Variants in FYCO1 observed in about 807,000 individuals in gnomAD.
FYCO1 encodes FYVE and coiled-coil domain autophagy adaptor 1, also known as FYVE and coiled-coil domain-containing protein 1.
A neutral mutation model predicts 165.1 loss-of-function variants in FYCO1; 122 were observed. The ratio of observed to expected loss-of-function variants is 0.74; its 90% CI spans 0.64 to 0.86. The LOEUF (loss-of-function observed/expected upper bound fraction) is 0.86. FYCO1 is among the 40% of genes least tolerant of loss of function. FYCO1 has a pLI of 0.00. For missense variants in FYCO1, 1,702 were observed against 1,810.3 expected (o/e 0.94, Z 1.09); for synonymous variants, 648 against 742.5 (o/e 0.87, Z 2.07).
intron 14 of FYCO1, among the ~76,000 whole-genome samples, chr3:45,950,441 G>C (rs1704939794): frequency 6.6e-6 from 1 of 152,068 alleles, no homozygotes; most frequent in Non-Finnish European, 1.5e-5. Context: ...GTCCTCCGTA[G>C]GTGTTCTGGA....
chr3:45,934,098 A>C (rs901359175), intron 15 of FYCO1, among the ~76,000 whole-genome samples: 3 of 152,218 alleles, frequency 2.0e-5, no homozygotes, highest in Non-Finnish European at 4.4e-5. Flanking sequence ...GGAAAAGAGA[A>C]TTGGGGGACA....
intron 6 of FYCO1, among the ~76,000 whole-genome samples, chr3:45,971,400 AT>A (rs1345045641): frequency 1.3e-5 from 2 of 152,254 alleles, no homozygotes; most frequent in African/African-American, 4.8e-5. Context: ...AAAAAGGATA[AT>A]AATGTAATTT....
chr3:45,932,824 C>T (rs1347474180), intron 15 of FYCO1, among the ~76,000 whole-genome samples: 3 of 152,204 alleles, frequency 2.0e-5, no homozygotes, highest in Admixed American at 6.5e-5. Flanking sequence ...TAAGAACCCT[C>T]GACCAACATT....
rs780586760 is a variant in FYCO1 at position 45,967,314 on chromosome 3, C to A, written c.2020G>T (p.Gly674Cys). Residue 674 changes from glycine (G) to cysteine (C), a missense_variant, in exon 8 of 18, where the codon GGT becomes TGT. By Grantham distance (159) the Gly-to-Cys change is radical. Transcript: ENST00000296137. ...EAEQASIRHLGDQMEASLLAV... is the reference protein window; with the variant it reads ...EAEQASIRHLCDQMEASLLAV... ...AGCAAGCTCGCCTCCATCTGGTCAC[C>A]CAAGTGCCGGATGCTGGCCTGCTCG... 3.1e-6 allele frequency: 5 copies of A among 1,613,670 alleles called. No individual in the cohort carries two copies. The Admixed American group carries it at 5.0e-5, about 16-fold the overall frequency.
intron 14 of FYCO1, among the ~76,000 whole-genome samples, chr3:45,948,671 T>C (rs1262655233): frequency 1.3e-5 from 2 of 152,236 alleles, no homozygotes; most frequent in East Asian, 3.8e-4. Flanking sequence ...TTTGGGCTTA[T>C]GTATCCCAAA....
Position 45,955,243 on chromosome 3 carries a change from A to G in FYCO1, c.3944+6T>C, listed in dbSNP as rs754072220. ...CACTCAGGAAATGGGGGTGACCTCT[A>G]CTCACTGTTCAGCCGCATTTGGGTC... On this transcript the variant is annotated splice_donor_region_variant and intron_variant, in intron 14 of 17. Coordinates refer to ENST00000296137, the MANE Select transcript of FYCO1 (RefSeq NM_024513.4). The G allele has an allele frequency of 6.8e-6, 11 of 1,613,578 alleles. No homozygotes were observed. Among genetic ancestry groups the G allele is most frequent in the African/African-American group, 1.3e-5 (1 of 74,980 alleles).
At chr3:45,927,639 C>T (rs559680560) in intron 16 of FYCO1, among the ~76,000 whole-genome samples, 5 of 152,194 alleles carry the variant, frequency 3.3e-5, no homozygotes, top group Admixed American at 6.5e-5. Flanking sequence ...CTGCACACGG[C>T]GTCTCATTTA....
At chr3:45,979,910 A>G (rs1706963833) in intron 3 of FYCO1, 80 bp from the exon 4 acceptor site, 3 of 1,545,372 alleles carry the variant, frequency 1.9e-6, no homozygotes, top group Middle Eastern at 3.4e-4. Context: ...AATAATAACA[A>G]TAGCTTCTTA....
chr3:45,939,750 AAC>A (rs1374189907), intron 14 of FYCO1, among the ~76,000 whole-genome samples: 3 of 152,220 alleles, frequency 2.0e-5, no homozygotes, highest in African/African-American at 7.2e-5. Context: ...TCCATTTGTG[AAC>A]AGTCTCCTGT....
chr3:45,922,295 C>A (rs1218801675), intron 17 of FYCO1, among the ~76,000 whole-genome samples: 1 of 152,230 alleles, frequency 6.6e-6, no homozygotes, highest in African/African-American at 2.4e-5. Flanking sequence ...TGGGCCAAGG[C>A]CAGAGTTTGT....
chr3:45,974,017 T>C (rs1706588639), intron 5 of FYCO1, among the ~76,000 whole-genome samples: 1 of 152,170 alleles, frequency 6.6e-6, no homozygotes, highest in Non-Finnish European at 1.5e-5. Flanking sequence ...GCCATGATCA[T>C]GCCACTGCAC....
At chr3:45,970,074 C>A (rs1476400467) in intron 6 of FYCO1, among the ~76,000 whole-genome samples, 1 of 151,010 alleles carries the variant, frequency 6.6e-6, no homozygotes, top group Non-Finnish European at 1.5e-5. Flanking sequence ...AGTTTGTCTG[C>A]CAGTGAGGAA....
Position 45,966,340 on chromosome 3 carries a change from C to G in FYCO1, c.2994G>C (p.Gln998His), listed in dbSNP as rs765925467. 1 of 1,614,210 alleles carries G rather than the reference C, an allele frequency of 6.2e-7. No individual in the cohort carries two copies. The highest frequency in any genetic ancestry group is 8.5e-7 in the Non-Finnish European group (1 of 1,180,028). Residue 998 changes from glutamine to histidine, a missense_variant, in exon 8 of 18, where the codon CAG becomes CAC. Physicochemically the swap from Gln to His is conservative, Grantham distance 24. Transcript: ENST00000296137. The stretch of plus-strand genomic sequence containing the variant: ...GCTGGAACTTGAGGGTGTTGAGCTC[C>G]TGGTGTGCAGCCTCTTGGAGGCTCT... ...RAQSLQEAAH[Q>H]ELNTLKFQLS...
chr3:45,979,668 GGAC>G (rs746947148), intron 4 of FYCO1, 34 bp downstream of exon 4: 2 of 1,612,082 alleles, frequency 1.2e-6, no homozygotes, highest in East Asian at 2.2e-5. Context: ...GCAGGCAAAA[GGAC>G]GACATGAAGT....
In FYCO1 at chr3:45,971,870, T is replaced by G. The variant is rs1706467201; in HGVS notation, c.539+1218A>C. On this transcript the variant is annotated intron_variant, in intron 6 of 17. Coordinates refer to ENST00000296137, the MANE Select transcript of FYCO1 (RefSeq NM_024513.4). ...ATGAGATCTGTAAATTAGATAGCAG[T>G]ATTGTATCAATGCTAATTTTCTGAT... Among the ~76,000 whole-genome samples, 3 of 152,260 alleles carry G rather than the reference T, an allele frequency of 2.0e-5. No individual in the cohort carries two copies. The South Asian group carries it at 6.2e-4, about 31-fold the overall frequency.
At chr3:45,937,936 T>C (rs1308253872) in intron 14 of FYCO1, among the ~76,000 whole-genome samples, 1 of 152,156 alleles carries the variant, frequency 6.6e-6, no homozygotes, top group Non-Finnish European at 1.5e-5. Context: ...GCCACCCACT[T>C]GACAGCAGGG....
chr3:45,966,144 A>C, intron 8 of FYCO1, 133 bp downstream of exon 8: 1 of 868,358 alleles, frequency 1.2e-6, no homozygotes, highest in Non-Finnish European at 1.9e-6. Flanking sequence ...AAAGGGCCAC[A>C]AGGTGTTTGC....
Position 45,962,891 on chromosome 3 carries a change from G to C in FYCO1, c.3270-499C>G, listed in dbSNP as rs761329753. Among the ~76,000 whole-genome samples the C allele has an allele frequency of 6.6e-6, 1 of 152,142 alleles. No individual in the cohort carries two copies. The highest frequency in any genetic ancestry group is 1.5e-5 in the Non-Finnish European group (1 of 68,032). Reference sequence around the variant, plus strand: ...TCAGTCTTAATCTGCACTGCCAGCTGTTCTACCTGATAGCCCCCCTGAGGC... The same window carrying C: ...TCAGTCTTAATCTGCACTGCCAGCTCTTCTACCTGATAGCCCCCCTGAGGC... On this transcript the variant is annotated intron_variant, in intron 10 of 17. Coordinates refer to ENST00000296137, the MANE Select transcript of FYCO1 (RefSeq NM_024513.4). This position sits in a 1 kb window ranked among gnomAD's most constrained non-coding sequence, Gnocchi z 4.4.
intron 14 of FYCO1, among the ~76,000 whole-genome samples, chr3:45,937,811 C>T (rs1703982956): frequency 6.6e-6 from 1 of 152,194 alleles, no homozygotes; most frequent in South Asian, 2.1e-4. Flanking sequence ...CCTTGCCTAA[C>T]ACCTCCTTCT....
Sources: allele counts gnomAD v4.1 joint callset (sites outside exome capture counted in the v4.1 genomes callset), GRCh38; gene constraint gnomAD v4.1.1; non-coding constraint Gnocchi (gnomAD v3.1); transcripts MANE v1.5; gene names NCBI Gene and HGNC (gene_info 2026-07-23, HGNC 2026-07-21).